Variants in TCF7L2 observed in about 807,000 individuals in gnomAD.
TCF7L2 encodes the protein transcription factor 7 like 2.
Under a neutral mutation model 77.9 loss-of-function variants are expected in TCF7L2, and 23 were observed. The ratio of observed to expected loss-of-function variants is 0.30; its 90% CI spans 0.21 to 0.42. TCF7L2 has a LOEUF of 0.42. TCF7L2 is among the 10% of genes least tolerant of loss of function. TCF7L2 has a pLI of 1.00. For synonymous variants in TCF7L2, 413 were observed against 340.2 expected (o/e 1.21, Z -2.36); for missense variants, 654 against 793.1 (o/e 0.82, Z 2.11).
intron 4 of TCF7L2, among the ~76,000 whole-genome samples, chr10:112,998,536 C>G (rs117443170): frequency 3.4e-3 from 513 of 152,274 alleles, no homozygotes; most frequent in Non-Finnish European, 5.5e-3. Context: ...TGCCTCAAAA[C>G]CTAGCACAGC....
rs145007336 is a variant in TCF7L2 at position 113,092,398 on chromosome 10, T to C, written c.553-48786T>C. On this transcript the variant is annotated intron_variant, in intron 5 of 13. Transcript: ENST00000627217. ...TAAAGGTTCACATACAGGCTGTATG[T>C]AAAGCGGGAGCTTGATGAGAGAGCT... Among the ~76,000 whole-genome samples, 462 of 152,320 alleles carry C rather than the reference T, an allele frequency of 3.0e-3. 3 individuals carry two copies. The highest frequency in any genetic ancestry group is 0.011 in the African/African-American group (443 of 41,558).
At chr10:113,120,455 G>T (rs966374546) in intron 5 of TCF7L2, among the ~76,000 whole-genome samples, 17 of 152,180 alleles carry the variant, frequency 1.1e-4, no homozygotes, top group Admixed American at 9.2e-4. Flanking sequence ...ATTGGTACTG[G>T]TAGAGTATCT....
intron 4 of TCF7L2, among the ~76,000 whole-genome samples, chr10:113,003,044 T>A (rs1351839753): frequency 6.6e-6 from 1 of 152,248 alleles, no homozygotes; most frequent in Non-Finnish European, 1.5e-5. Context: ...ATTTTTGGAA[T>A]CTCAAACTAT....
intron 4 of TCF7L2, among the ~76,000 whole-genome samples, chr10:113,002,367 C>T (rs1354291892): frequency 6.6e-6 from 1 of 152,084 alleles, no homozygotes; most frequent in Non-Finnish European, 1.5e-5. Flanking sequence ...GGACATTTGG[C>T]AATGTCTAGA....
chr10:113,121,711 C>T (rs193070980), intron 5 of TCF7L2, among the ~76,000 whole-genome samples: 3 of 152,122 alleles, frequency 2.0e-5, no homozygotes, highest in East Asian at 1.9e-4. Flanking sequence ...GAAATGCACA[C>T]GTACGCACTT....
intron 5 of TCF7L2, among the ~76,000 whole-genome samples, chr10:113,107,197 A>G (rs1184463943): frequency 6.6e-6 from 1 of 152,176 alleles, no homozygotes; most frequent in Non-Finnish European, 1.5e-5. Flanking sequence ...CCAAAGCTTG[A>G]AGGGTTGGTT....
intron 13 of TCF7L2, among the ~76,000 whole-genome samples, chr10:113,164,403 C>T (rs1440413754): frequency 6.6e-5 from 10 of 152,130 alleles, no homozygotes; most frequent in Non-Finnish European, 1.2e-4. Context: ...AACCCAAACC[C>T]AGGAAGGTCC....
chr10:113,115,774 AACC>A (rs2063652366), intron 5 of TCF7L2, among the ~76,000 whole-genome samples: 1 of 152,020 alleles, frequency 6.6e-6, no homozygotes, highest in Admixed American at 6.6e-5. Context: ...CGGTTTTAAA[AACC>A]ACAACTACCG....
chr10:113,087,075 T>C (rs2059916944), intron 5 of TCF7L2, among the ~76,000 whole-genome samples: 1 of 152,132 alleles, frequency 6.6e-6, no homozygotes, highest in Non-Finnish European at 1.5e-5. Context: ...GTAAGGTTAA[T>C]TCTACAAGTT....
chr10:113,072,754 G>A (rs2058187582), intron 5 of TCF7L2, among the ~76,000 whole-genome samples: 1 of 152,184 alleles, frequency 6.6e-6, no homozygotes, highest in Admixed American at 6.5e-5. Context: ...TTTATTTGTG[G>A]TGCACACAGG....
intron 4 of TCF7L2, among the ~76,000 whole-genome samples, chr10:112,997,834 C>T (rs1041132091): frequency 3.3e-5 from 5 of 152,284 alleles, no homozygotes; most frequent in East Asian, 1.9e-4. Flanking sequence ...GTACTGCTCT[C>T]GAAGGTAAGA....
chr10:112,982,347 G>A lies in TCF7L2; in HGVS notation c.450+17723G>A, dbSNP rs146013047. ...TTACTGAGAAGACTGGCCTATCACG[G>A]GGATTCATGTGAGGCTCTGTCACAG... On this transcript the variant is annotated intron_variant, in intron 4 of 13. Coordinates refer to ENST00000627217, the MANE Select transcript of TCF7L2 (RefSeq NM_001146274.2). 4.5e-3 allele frequency among the ~76,000 whole-genome samples: 691 copies of A among 152,164 alleles called. 9 individuals carry two copies. The highest frequency in any genetic ancestry group is 0.026 in the South Asian group (127 of 4,816).
chr10:113,047,895 T>TGG (rs2053733651), intron 5 of TCF7L2, among the ~76,000 whole-genome samples: 2 of 152,188 alleles, frequency 1.3e-5, no homozygotes, highest in Admixed American at 1.3e-4. Context: ...GAAGAGTCTT[T>TGG]GGCAGCTCAG....
At chr10:112,956,922 C>T (rs973755895) in intron 3 of TCF7L2, among the ~76,000 whole-genome samples, 11 of 151,936 alleles carry the variant, frequency 7.2e-5, no homozygotes, top group African/African-American at 2.7e-4. Flanking sequence ...CAAATGCTGC[C>T]CTCCCTTCTC....
chr10:113,151,253 T>G lies in TCF7L2; in HGVS notation c.1001+130T>G, dbSNP rs994689588. The stretch of plus-strand genomic sequence containing the variant: ...TTGACTGCAGCCAATACCCAGCCTG[T>G]GTGGGCTCTTCACTCCCTTACAAAG... On this transcript the variant is annotated intron_variant, in intron 9 of 13. Transcript: ENST00000627217. This position sits in a 1 kb window ranked among gnomAD's most constrained non-coding sequence, Gnocchi z 5.2. 61 of 1,230,698 alleles carry G rather than the reference T, an allele frequency of 5.0e-5. No individual in the cohort carries two copies. The African/African-American group carries it at 8.5e-4, about 17-fold the overall frequency. 76.2% of individuals were successfully genotyped at this position (1,230,698 alleles called of 1,614,324 possible).
chr10:113,086,364 G>T (rs1250468513), intron 5 of TCF7L2, among the ~76,000 whole-genome samples: 1 of 152,108 alleles, frequency 6.6e-6, no homozygotes, highest in Non-Finnish European at 1.5e-5. Flanking sequence ...GCATCCAGGG[G>T]CCCATGTATT....
At chr10:112,971,193 A>C (rs2038164156) in intron 4 of TCF7L2, among the ~76,000 whole-genome samples, 1 of 152,232 alleles carries the variant, frequency 6.6e-6, no homozygotes, top group Non-Finnish European at 1.5e-5. Flanking sequence ...GTGATATTTT[A>C]ATATTAATTT....
chr10:112,971,929 C>CTT (rs60667044), intron 4 of TCF7L2, among the ~76,000 whole-genome samples: 6 of 150,630 alleles, frequency 4.0e-5, no homozygotes, highest in African/African-American at 1.2e-4. Flanking sequence ...TTTTTCTTTC[C>CTT]TTTTTTTTTG....
chr10:113,086,278 T>A (rs1424535542), intron 5 of TCF7L2, among the ~76,000 whole-genome samples: 3 of 152,142 alleles, frequency 2.0e-5, no homozygotes, highest in Non-Finnish European at 4.4e-5. Flanking sequence ...CAAACCCAAT[T>A]CAAACTGGCC....
Sources: allele counts gnomAD v4.1 joint callset (sites outside exome capture counted in the v4.1 genomes callset), GRCh38; gene constraint gnomAD v4.1.1; non-coding constraint Gnocchi (gnomAD v3.1); transcripts MANE v1.5; gene names NCBI Gene and HGNC (gene_info 2026-07-23, HGNC 2026-07-21).